PTPRM: variants seen among roughly 807,000 people sequenced by gnomAD.
PTPRM encodes the protein receptor-type tyrosine-protein phosphatase mu.
A neutral mutation model predicts 186.7 loss-of-function variants in PTPRM; 47 were observed. That is an observed-to-expected ratio of 0.25 (90% confidence interval 0.20 to 0.32). The LOEUF is 0.32. Ranked by LOEUF, PTPRM falls within the 10% of genes least tolerant of loss-of-function variation. PTPRM has a pLI of 1.00. For synonymous variants in PTPRM, 668 were observed against 674.9 expected (o/e 0.99, Z 0.16); for missense variants, 1,494 against 1,865.0 (o/e 0.80, Z 3.66).
intron 7 of PTPRM, among the ~76,000 whole-genome samples, chr18:8,067,026 T>C (rs1600370121): frequency 6.6e-6 from 1 of 152,384 alleles, no homozygotes; most frequent in East Asian, 1.9e-4. Context: ...TAAGGAATAC[T>C]GAATGATGCA....
At position 7,809,591 on chromosome 18, in the gene PTPRM, C is replaced by T. The variant is rs368690039; in HGVS notation, c.196+35320C>T. 4.6e-5 allele frequency among the ~76,000 whole-genome samples: 7 copies of T among 152,146 alleles called. No homozygotes were observed. In the East Asian group the frequency reaches 1.2e-3, roughly 25 times the overall value. On this transcript the variant is annotated intron_variant, in intron 2 of 32. Transcript: ENST00000580170. ...GGTCCTCCACGTGGCCACTGCCCCT[C>T]CTGTGTTACCATGACCTCTCCTCCT... is the stretch of plus-strand genomic sequence containing the variant.
intron 7 of PTPRM, among the ~76,000 whole-genome samples, chr18:8,037,459 G>A (rs943311826): frequency 1.3e-5 from 2 of 152,022 alleles, no homozygotes; most frequent in Non-Finnish European, 2.9e-5. Flanking sequence ...TCCTTCTGTT[G>A]CTGATTCAAC....
intron 13 of PTPRM, among the ~76,000 whole-genome samples, chr18:8,115,362 G>C (rs1440145835): frequency 1.3e-5 from 2 of 152,118 alleles, no homozygotes; most frequent in Non-Finnish European, 2.9e-5. Flanking sequence ...AAAACTCTCT[G>C]AGAGAATGTG....
At chr18:8,338,310 A>T (rs79276335) in intron 22 of PTPRM, among the ~76,000 whole-genome samples, 3,247 of 149,802 alleles carry the variant, frequency 0.022, 106 homozygotes, top group East Asian at 0.15. Flanking sequence ...GAAAAAAATT[A>T]AAAAAAATGA....
chr18:8,051,731 A>AG (rs1478149001), intron 7 of PTPRM, among the ~76,000 whole-genome samples: 4 of 152,144 alleles, frequency 2.6e-5, no homozygotes, highest in Non-Finnish European at 5.9e-5. Context: ...TTGGCTCAGT[A>AG]AATATTTGGA....
intron 7 of PTPRM, among the ~76,000 whole-genome samples, chr18:8,016,530 CAAAAAAA>C (rs563624187): frequency 2.3e-4 from 16 of 70,222 alleles, no homozygotes; most frequent in African/African-American, 5.1e-4. Flanking sequence ...AAGAGTCTGT[CAAAAAAA>C]AAAAAAAAAG....
intron 7 of PTPRM, among the ~76,000 whole-genome samples, chr18:8,035,816 T>C (rs1409411989): frequency 1.3e-5 from 2 of 152,208 alleles, no homozygotes; most frequent in East Asian, 1.9e-4. Context: ...TCACATTGTA[T>C]ACATTAAATA....
At chr18:8,225,025 T>G (rs1191273798) in intron 14 of PTPRM, among the ~76,000 whole-genome samples, 1 of 152,188 alleles carries the variant, frequency 6.6e-6, no homozygotes, top group African/African-American at 2.4e-5. Flanking sequence ...AGCCCTTCAC[T>G]TAATGGTTTT....
rs145765623 is a variant in PTPRM at position 8,257,721 on chromosome 18, G to A, written c.2754+4307G>A. 1.0e-3 allele frequency among the ~76,000 whole-genome samples: 154 copies of A among 152,224 alleles called. 2 individuals carry two copies. In the East Asian group the frequency reaches 0.025, roughly 25 times the overall value. Reference sequence around the variant, plus strand: ...TGTGACTCTGTGTAATCATCCCATCGGCCTTTCTGGTCTTCTTCAATCTGT... The same window carrying A: ...TGTGACTCTGTGTAATCATCCCATCAGCCTTTCTGGTCTTCTTCAATCTGT... On this transcript the variant is annotated intron_variant, in intron 19 of 32. Transcript: ENST00000580170.
intron 3 of PTPRM, among the ~76,000 whole-genome samples, chr18:7,900,658 C>A (rs575329992): frequency 1.8e-4 from 28 of 152,224 alleles, no homozygotes; most frequent in Non-Finnish European, 3.2e-4. Flanking sequence ...GACTTGGAAG[C>A]AAAATAGATC....
chr18:7,638,431 G>C (rs2144148954), intron 1 of PTPRM, among the ~76,000 whole-genome samples: 1 of 152,328 alleles, frequency 6.6e-6, no homozygotes, highest in South Asian at 2.1e-4. Flanking sequence ...GTCATGAAAA[G>C]AATTATCCAT....
intron 14 of PTPRM, among the ~76,000 whole-genome samples, chr18:8,175,593 G>A (rs1230593399): frequency 6.6e-6 from 1 of 152,154 alleles, no homozygotes; most frequent in East Asian, 1.9e-4. Context: ...TAATTCAACA[G>A]TGTATGATTT....
At chr18:7,767,406 T>TTGTG (rs2042064767) in intron 1 of PTPRM, among the ~76,000 whole-genome samples, 1 of 152,222 alleles carries the variant, frequency 6.6e-6, no homozygotes, top group Non-Finnish European at 1.5e-5. Flanking sequence ...ATTTTTAATA[T>TTGTG]ACTGCTTTAA....
intron 17 of PTPRM, among the ~76,000 whole-genome samples, chr18:8,250,789 C>CAA (rs112146808): frequency 3.1e-4 from 33 of 106,956 alleles, no homozygotes; most frequent in African/African-American, 6.6e-4. Context: ...ACCCTGTCTC[C>CAA]AAAAAAAAAA....
chr18:8,239,761 T>C (rs1179214611), intron 14 of PTPRM, among the ~76,000 whole-genome samples: 1 of 152,218 alleles, frequency 6.6e-6, no homozygotes, highest in Non-Finnish European at 1.5e-5. Context: ...TTTGACTTAC[T>C]GTTAGGAAAA....
At chr18:8,323,960 A>G (rs1262296494) in intron 22 of PTPRM, among the ~76,000 whole-genome samples, 2 of 152,162 alleles carry the variant, frequency 1.3e-5, no homozygotes, top group African/African-American at 4.8e-5. Context: ...TTACTCATGA[A>G]TTATAGTAAT....
At chr18:8,030,085 A>G (rs1263788088) in intron 7 of PTPRM, among the ~76,000 whole-genome samples, 2 of 152,242 alleles carry the variant, frequency 1.3e-5, no homozygotes, top group Non-Finnish European at 2.9e-5. Context: ...ACACAAGTCG[A>G]TGCCAATCTG....
At chr18:7,808,732 G>A (rs567715263) in intron 2 of PTPRM, among the ~76,000 whole-genome samples, 1 of 152,252 alleles carries the variant, frequency 6.6e-6, no homozygotes, top group South Asian at 2.1e-4. Flanking sequence ...TTGATGGGTT[G>A]GATAGGAAGT....
At chr18:8,025,623 C>G (rs1170661093) in intron 7 of PTPRM, among the ~76,000 whole-genome samples, 1 of 152,086 alleles carries the variant, frequency 6.6e-6, no homozygotes, top group African/African-American at 2.4e-5. Context: ...TTTACAGTAG[C>G]AGAAACATAA....
Sources: allele counts gnomAD v4.1 joint callset (sites outside exome capture counted in the v4.1 genomes callset), GRCh38; gene constraint gnomAD v4.1.1; transcripts MANE v1.5; gene names NCBI Gene and HGNC (gene_info 2026-07-23, HGNC 2026-07-21).